The following PCDHGA12 variants were observed in gnomAD, a reference collection of about 807,000 sequenced individuals.
The protein encoded by PCDHGA12 is protocadherin gamma subfamily A, 12, also known as protocadherin gamma-A12.
A neutral mutation model predicts 61.1 loss-of-function variants in PCDHGA12; 43 were observed. That is an observed-to-expected ratio of 0.70 (90% CI 0.55 to 0.91). The LOEUF is 0.91. Among genes scored for constraint, PCDHGA12 ranks in the 40% least tolerant of loss-of-function variants. The pLI, the probability that PCDHGA12 is intolerant of heterozygous loss-of-function variation, is 0.00. For missense variants in PCDHGA12, 1,236 were observed against 1,227.7 expected (o/e 1.01, Z -0.10); for synonymous variants, 520 against 542.9 (o/e 0.96, Z 0.59).
At chr5:141,467,939 A>G (rs2099154812) in intron 1 of PCDHGA12, among the ~76,000 whole-genome samples, 2 of 152,190 alleles carry the variant, frequency 1.3e-5, no homozygotes, top group Admixed American at 6.5e-5. Context: ...GATTACAAGC[A>G]TGAGCCACCA....
intron 1 of PCDHGA12, among the ~76,000 whole-genome samples, chr5:141,433,766 G>A (rs2097649774): frequency 6.6e-6 from 1 of 151,888 alleles, no homozygotes; most frequent in South Asian, 2.1e-4. Flanking sequence ...TAACCTGGGA[G>A]GTGGAGGTTG....
At chr5:141,494,768 C>T (rs758949982) in intron 1 of PCDHGA12, 39 bp from the exon 2 acceptor site, 1 of 1,614,060 alleles carries the variant, frequency 6.2e-7, no homozygotes, top group South Asian at 1.1e-5. Flanking sequence ...TCTAACTTCT[C>T]ACGGGTACTC....
chr5:141,462,431 T>G (rs1345184304), intron 1 of PCDHGA12, among the ~76,000 whole-genome samples: 1 of 152,246 alleles, frequency 6.6e-6, no homozygotes, highest in East Asian at 1.9e-4. Context: ...TGGTGAGTGT[T>G]GCTTACACAC....
chr5:141,476,023 G>T lies in PCDHGA12; in HGVS notation c.2425-18784G>T. On this transcript the variant is annotated intron_variant, in intron 1 of 3. Coordinates refer to ENST00000252085, the MANE Select transcript of PCDHGA12 (RefSeq NM_003735.3). The surrounding 1 kb of genome is among the most constrained non-coding windows in gnomAD (Gnocchi z 7.6). Reference sequence around the variant, plus strand: ...CATCCAGAAAGCCATGTCGGACTCGGCGCCCAGCGCCCAAGCGCTAACCCG... The same window carrying T: ...CATCCAGAAAGCCATGTCGGACTCGTCGCCCAGCGCCCAAGCGCTAACCCG... The T allele has an allele frequency of 7.1e-7, 1 of 1,415,690 alleles. No individual in the cohort carries two copies. Among genetic ancestry groups the T allele is most frequent in the Non-Finnish European group, 9.5e-7 (1 of 1,057,324 alleles). 87.7% of individuals were successfully genotyped at this position (1,415,690 alleles called of 1,614,324 possible).
intron 3 of PCDHGA12, among the ~76,000 whole-genome samples, chr5:141,508,579 G>A (rs569867127): frequency 6.6e-6 from 1 of 152,234 alleles, no homozygotes; most frequent in East Asian, 1.9e-4. Flanking sequence ...ACCCACTCGG[G>A]GTGCTACTCA....
chr5:141,444,152 ATTTTTTTTTTTTTT>A (rs747671382), intron 1 of PCDHGA12, among the ~76,000 whole-genome samples: 241 of 33,882 alleles, frequency 7.1e-3, no homozygotes, highest in African/African-American at 0.019. Flanking sequence ...TGTGTACTGG[ATTTTTTTTTTTTTT>A]TTTTTTTTTT....
intron 1 of PCDHGA12, among the ~76,000 whole-genome samples, chr5:141,482,530 CAAAA>C (rs3074545): frequency 9.1e-5 from 7 of 76,540 alleles, no homozygotes; most frequent in South Asian, 4.6e-4. Flanking sequence ...GACAGACATG[CAAAA>C]AAAAAAAAAA....
intron 1 of PCDHGA12, among the ~76,000 whole-genome samples, chr5:141,480,216 C>T (rs1055544952): frequency 1.9e-4 from 28 of 147,036 alleles, no homozygotes; most frequent in Non-Finnish European, 3.6e-4. Flanking sequence ...CCAGCCTGAG[C>T]GACATAGTGA....
At chr5:141,466,201 T>C (rs985163022) in intron 1 of PCDHGA12, among the ~76,000 whole-genome samples, 1 of 152,006 alleles carries the variant, frequency 6.6e-6, no homozygotes, top group African/African-American at 2.4e-5. Context: ...GACACAGCCT[T>C]GCTCTGTTAC....
chr5:141,469,511 G>A (rs2099203340), intron 1 of PCDHGA12, among the ~76,000 whole-genome samples: 1 of 152,038 alleles, frequency 6.6e-6, no homozygotes, highest in African/African-American at 2.4e-5. Flanking sequence ...GGAGGTGGAG[G>A]TTGCAGTGAG....
rs2154591305 is a variant in PCDHGA12, at chr5:141,493,879, G to A, written c.2425-928G>A. Among the ~76,000 whole-genome samples the A allele has an allele frequency of 6.6e-6, 1 of 152,288 alleles. No homozygotes were observed. The highest frequency in any genetic ancestry group is 6.5e-5 in the Admixed American group (1 of 15,302). ...CCCACCCCAGAACCAGTGAGGAGGT[G>A]GCTCTAGGAGTGCTCCATGAGAGTG... On this transcript the variant is annotated intron_variant, in intron 1 of 3. Coordinates refer to ENST00000252085, the MANE Select transcript of PCDHGA12 (RefSeq NM_003735.3). This position sits in a 1 kb window ranked among gnomAD's most constrained non-coding sequence, Gnocchi z 4.3.
chr5:141,433,111 C>T lies in PCDHGA12; in HGVS notation c.2352C>T (p.Ser784=), dbSNP rs2097569323. Residue 784 remains serine, a synonymous_variant, in exon 1 of 4, where the codon AGC becomes AGT. Transcript: ENST00000252085. ...CAGACATGCTCGTCAGCCAGGAGAG[C>T]TTTGAAAAAAGCGAGCCCCTTTTGC... The part of the protein sequence containing the change: ...NYADMLVSQE[S]FEKSEPLLLS... 1 of 1,613,966 alleles carries T rather than the reference C, an allele frequency of 6.2e-7. No individual in the cohort carries two copies. Among genetic ancestry groups the T allele is most frequent in the African/African-American group, 1.3e-5 (1 of 74,898 alleles).
At chr5:141,470,552 T>G (rs1303190360) in intron 1 of PCDHGA12, among the ~76,000 whole-genome samples, 1 of 151,966 alleles carries the variant, frequency 6.6e-6, no homozygotes, top group East Asian at 1.9e-4. Flanking sequence ...TTATTGAGAG[T>G]TTCCTCTGTG....
At chr5:141,494,758 T>A (rs370692038) in intron 1 of PCDHGA12, 49 bp from the exon 2 acceptor site, 2 of 1,613,800 alleles carry the variant, frequency 1.2e-6, no homozygotes, top group Admixed American at 3.3e-5. Context: ...CGGGTGACAT[T>A]CTAACTTCTC....
Position 141,511,229 on chromosome 5 carries a change from T to G in PCDHGA12, c.*56T>G. 6.3e-7 allele frequency: 1 copy of G among 1,598,500 alleles called. No homozygotes were observed. Among genetic ancestry groups the G allele is most frequent in the Non-Finnish European group, 8.5e-7 (1 of 1,172,476 alleles). On this transcript the variant is annotated 3_prime_UTR_variant, in exon 4 of 4. Transcript: ENST00000252085. ...GCCTCTCCCCAACCAGCCCAGCTTC[T>G]CCTTACCTGCACCCAGGCCTCAGAG...
At position 141,476,683 on chromosome 5, in the gene PCDHGA12, C is replaced by T; in HGVS notation, c.2425-18124C>T. The T allele has an allele frequency of 1.9e-6, 3 of 1,614,242 alleles. No homozygotes were observed. Among genetic ancestry groups the T allele is most frequent in the Non-Finnish European group, 2.5e-6 (3 of 1,180,052 alleles). ...CGCTTCGCGTGCAGACGCGGGAGGA[C>T]AGCACCAAGTACGCGGAGCTGGTGT... On this transcript the variant is annotated intron_variant, in intron 1 of 3. Coordinates refer to ENST00000252085, the MANE Select transcript of PCDHGA12 (RefSeq NM_003735.3). The surrounding 1 kb of genome is among the most constrained non-coding windows in gnomAD (Gnocchi z 7.6).
chr5:141,432,745 G>A lies in PCDHGA12; in HGVS notation c.1986G>A (p.Val662=), dbSNP rs138883931. ...TCTCCGCCACTGTCACGCTCACCGT[G>A]GCCGTGGCCGACAGCATCCCCCAAG... ...PPLSATVTLT[V]AVADSIPQVL... Residue 662 remains valine, a synonymous_variant, in exon 1 of 4, where the codon GTG becomes GTA. Coordinates refer to ENST00000252085, the MANE Select transcript of PCDHGA12 (RefSeq NM_003735.3). This position sits in a 1 kb window ranked among gnomAD's most constrained non-coding sequence, Gnocchi z 6.0. 311 of 1,614,110 alleles carry A rather than the reference G, an allele frequency of 1.9e-4. No individual in the cohort carries two copies. The African/African-American group carries it at 3.5e-3, about 18-fold the overall frequency.
rs1254680765 is a variant in PCDHGA12 at position 141,491,399 on chromosome 5, A to G, written c.2425-3408A>G. ...CTGTCAGCGAAGTGCCTTCAGGGAA[A>G]CGCAGACGGGGACGGGGGTGGAGGG... On this transcript the variant is annotated intron_variant, in intron 1 of 3. Transcript: ENST00000252085. This position sits in a 1 kb window ranked among gnomAD's most constrained non-coding sequence, Gnocchi z 6.9. 3 of 1,613,998 alleles carry G rather than the reference A, an allele frequency of 1.9e-6. No homozygotes were observed. Among genetic ancestry groups the G allele is most frequent in the Non-Finnish European group, 2.5e-6 (3 of 1,180,028 alleles).
intron 1 of PCDHGA12, among the ~76,000 whole-genome samples, chr5:141,456,745 A>T (rs573105679): frequency 6.6e-6 from 1 of 151,920 alleles, no homozygotes; most frequent in South Asian, 2.1e-4. Context: ...CGGGAGCATC[A>T]TGAGGTCAGG....
Sources: allele counts gnomAD v4.1 joint callset (sites outside exome capture counted in the v4.1 genomes callset), GRCh38; gene constraint gnomAD v4.1.1; non-coding constraint Gnocchi (gnomAD v3.1); transcripts MANE v1.5; gene names NCBI Gene and HGNC (gene_info 2026-07-23, HGNC 2026-07-21).